Variants in PTPRK observed in about 807,000 individuals in gnomAD.
The protein encoded by PTPRK is receptor-type tyrosine-protein phosphatase kappa.
In PTPRK, 75 loss-of-function variants were observed where a neutral mutation model predicts 178.0. The ratio of observed to expected loss-of-function variants is 0.42; its 90% CI spans 0.35 to 0.51. The LOEUF (loss-of-function observed/expected upper bound fraction) is 0.51, where lower values mean the gene tolerates loss of function less well. PTPRK is among the 20% of genes least tolerant of loss of function. PTPRK has a pLI of 0.02. For missense variants in PTPRK, 1,441 were observed against 1,797.8 expected, an observed-to-expected ratio of 0.80 and a Z score of 3.59; for synonymous variants, 637 against 620.6, an observed-to-expected ratio of 1.03 and a Z score of -0.39.
rs2128439027 is a variant in PTPRK, at chr6:128,503,934, T to G, written c.100+16325A>C. 1.3e-5 allele frequency among the ~76,000 whole-genome samples: 2 copies of G among 151,572 alleles called. 1 individual carries two copies. The highest frequency in any genetic ancestry group is 6.8e-3 in the Middle Eastern group (2 of 292). On this transcript the variant is annotated intron_variant, in intron 1 of 29. Transcript: ENST00000368226. ...CCTACCAGACTAACTTTATTAGGGA[T>G]AGTAATCAATCCTGGAAATGCACAA...
At chr6:128,422,108 T>C (rs1283741265) in intron 1 of PTPRK, among the ~76,000 whole-genome samples, 3 of 152,256 alleles carry the variant, frequency 2.0e-5, no homozygotes, top group Admixed American at 6.5e-5. Context: ...TGAAAGGTTA[T>C]GTTTAATTTT....
At chr6:128,326,855 A>G (rs1419589550) in intron 2 of PTPRK, among the ~76,000 whole-genome samples, 1 of 152,180 alleles carries the variant, frequency 6.6e-6, no homozygotes, top group Non-Finnish European at 1.5e-5. Flanking sequence ...AACAGAGACT[A>G]CATGAATACT....
chr6:128,089,859 G>A lies in PTPRK; in HGVS notation c.1296C>T (p.Phe432=). 6.2e-7 allele frequency: 1 copy of A among 1,614,110 alleles called. No homozygotes were observed. Among genetic ancestry groups the A allele is most frequent in the South Asian group, 1.1e-5 (1 of 91,078 alleles). ...TFNVTICYHY[F]RGHNESKADC... ...CTGCCTTGCTCTCGTTGTGACCACGGAAGTAATGGTAGCAGATAGTGACAT... is the reference window on the plus strand; with the variant it reads ...CTGCCTTGCTCTCGTTGTGACCACGAAAGTAATGGTAGCAGATAGTGACAT... The change falls in exon 8 of 30, where the codon TTC becomes TTT. Residue 432 remains phenylalanine, a synonymous_variant. Transcript: ENST00000368226.
At chr6:128,437,099 TGGG>T (rs1213183943) in intron 1 of PTPRK, among the ~76,000 whole-genome samples, 1 of 152,296 alleles carries the variant, frequency 6.6e-6, no homozygotes, top group Admixed American at 6.5e-5. Context: ...TTACTTTCCC[TGGG>T]GTTCAGCACT....
intron 14 of PTPRK, among the ~76,000 whole-genome samples, chr6:128,006,318 T>C (rs1778409433): frequency 6.6e-6 from 1 of 151,042 alleles, no homozygotes; most frequent in Non-Finnish European, 1.5e-5. Flanking sequence ...GTATTTCTTA[T>C]TGCCAAAATA....
At chr6:128,245,193 T>G (rs1815230221) in intron 3 of PTPRK, among the ~76,000 whole-genome samples, 1 of 152,274 alleles carries the variant, frequency 6.6e-6, no homozygotes, top group African/African-American at 2.4e-5. Flanking sequence ...TAACAAGTGG[T>G]GAAGCCGGGA....
intron 2 of PTPRK, among the ~76,000 whole-genome samples, chr6:128,382,781 A>G (rs1027873211): frequency 8.6e-5 from 13 of 151,820 alleles, no homozygotes; most frequent in African/African-American, 2.9e-4. Context: ...ATTTCTCTTT[A>G]TTTCTTCCAC....
chr6:128,299,811 G>T (rs1375511482), intron 3 of PTPRK, among the ~76,000 whole-genome samples: 2 of 152,078 alleles, frequency 1.3e-5, no homozygotes, highest in Non-Finnish European at 2.9e-5. Context: ...CATAGGCATG[G>T]GAAAGGACTT....
At chr6:128,374,676 C>T (rs1394589148) in intron 2 of PTPRK, among the ~76,000 whole-genome samples, 1 of 152,142 alleles carries the variant, frequency 6.6e-6, no homozygotes. Context: ...CTTGGATTAT[C>T]ACAACTGCCT....
intron 5 of PTPRK, among the ~76,000 whole-genome samples, chr6:128,231,102 G>A (rs1583594032): frequency 6.6e-6 from 1 of 152,196 alleles, no homozygotes; most frequent in East Asian, 1.9e-4. Flanking sequence ...ACTTTCTGAT[G>A]CTCATCATTA....
chr6:128,401,060 C>G (rs967116592), intron 1 of PTPRK, among the ~76,000 whole-genome samples: 4 of 152,110 alleles, frequency 2.6e-5, no homozygotes, highest in African/African-American at 9.7e-5. Context: ...AGTTCCTTGA[C>G]CTTTGGAGGA....
chr6:128,006,505 C>T (rs1260356146), intron 14 of PTPRK, among the ~76,000 whole-genome samples: 2 of 150,700 alleles, frequency 1.3e-5, no homozygotes, highest in Non-Finnish European at 3.0e-5. Flanking sequence ...TACAGAATAA[C>T]ACCTAAATTT....
At chr6:128,160,084 TAAA>T (rs1562698721) in intron 7 of PTPRK, among the ~76,000 whole-genome samples, 1 of 151,674 alleles carries the variant, frequency 6.6e-6, no homozygotes, top group Non-Finnish European at 1.5e-5. Flanking sequence ...TCACGTAACT[TAAA>T]AAGAGGACAA....
intron 7 of PTPRK, among the ~76,000 whole-genome samples, chr6:128,114,283 GGAGA>G (rs888817512): frequency 6.6e-6 from 1 of 151,858 alleles, no homozygotes. Context: ...CATGACGGCA[GGAGA>G]GAGAGAGCAA....
chr6:128,344,560 T>C lies in PTPRK; in HGVS notation c.224-22250A>G, dbSNP rs183053978. ...TTTTTTTTTAAAGGTCTCCCTCTGT[T>C]GTCCTGGCAGATCATGGCGATCATG... is the stretch of plus-strand genomic sequence containing the variant. On this transcript the variant is annotated intron_variant, in intron 2 of 29. Transcript: ENST00000368226. Among the ~76,000 whole-genome samples, 485 of 152,114 alleles carry C rather than the reference T, an allele frequency of 3.2e-3. 4 individuals are homozygous for C. The highest frequency in any genetic ancestry group is 5.5e-3 in the Non-Finnish European group (375 of 67,960).
At chr6:128,283,045 C>T (rs1025715051) in intron 3 of PTPRK, among the ~76,000 whole-genome samples, 12 of 152,124 alleles carry the variant, frequency 7.9e-5, no homozygotes, top group African/African-American at 2.9e-4. Flanking sequence ...AAAACACCCC[C>T]ACCACAAAGG....
intron 17 of PTPRK, among the ~76,000 whole-genome samples, chr6:127,996,059 A>G (rs1777113773): frequency 6.6e-6 from 1 of 152,050 alleles, no homozygotes; most frequent in Admixed American, 6.6e-5. Context: ...AGCTAGTTAC[A>G]AGTTAAACTA....
At chr6:128,150,899 G>T (rs1797152338) in intron 7 of PTPRK, among the ~76,000 whole-genome samples, 1 of 152,110 alleles carries the variant, frequency 6.6e-6, no homozygotes, top group African/African-American at 2.4e-5. Context: ...GTCAAAGTAT[G>T]TAAGGTGATT....
chr6:128,260,912 C>A (rs1216877892), intron 3 of PTPRK, among the ~76,000 whole-genome samples: 2 of 152,122 alleles, frequency 1.3e-5, no homozygotes, highest in Admixed American at 1.3e-4. Flanking sequence ...CCTCTAAGAT[C>A]TGAAAATAAA....
Sources: gnomAD v4.1 joint callset for allele counts (sites outside exome capture counted in the v4.1 genomes callset) on GRCh38, gnomAD v4.1.1 for gene constraint, MANE v1.5 for transcripts, NCBI Gene and HGNC (gene_info 2026-07-23, HGNC 2026-07-21) for gene names.